Variants in DPP10 observed in about 807,000 individuals in gnomAD.
DPP10 encodes the protein dipeptidyl peptidase like 10, also known as inactive dipeptidyl peptidase 10.
In DPP10, 33 loss-of-function variants were observed where a neutral mutation model predicts 120.9. The ratio of observed to expected loss-of-function variants is 0.27; its 90% CI spans 0.21 to 0.37. The LOEUF (loss-of-function observed/expected upper bound fraction) is 0.37. Ranked by LOEUF, DPP10 falls within the 10% of genes least tolerant of loss-of-function variation. The pLI is 1.00. For missense variants in DPP10, 816 were observed against 942.8 expected (o/e 0.87, Z 1.76); for synonymous variants, 337 against 326.1 (o/e 1.03, Z -0.36).
chr2:115,427,856 T>C (rs2070624259), intron 3 of DPP10, among the ~76,000 whole-genome samples: 1 of 152,254 alleles, frequency 6.6e-6, no homozygotes, highest in Non-Finnish European at 1.5e-5. Context: ...TTTTATGCTC[T>C]GCTTCTCTTT....
chr2:114,587,705 A>G (rs1376184810), intron 1 of DPP10, among the ~76,000 whole-genome samples: 2 of 152,204 alleles, frequency 1.3e-5, no homozygotes, highest in Non-Finnish European at 2.9e-5. Flanking sequence ...CAATAAAGCA[A>G]TTTTCTCACA....
intron 1 of DPP10, chr2:115,050,037 CAAAAGGGCA>C (rs1204131860): frequency 2.6e-5 from 4 of 152,038 alleles, no homozygotes; most frequent in Admixed American, 6.6e-5. Context: ...AAGAAATTTC[CAAAAGGGCA>C]AAAAGGGCAG....
intron 5 of DPP10, among the ~76,000 whole-genome samples, chr2:115,656,616 GATATTC>G (rs1374440211): frequency 1.3e-5 from 2 of 151,668 alleles, no homozygotes; most frequent in Non-Finnish European, 3.0e-5. Flanking sequence ...TATGATTAGA[GATATTC>G]ATATTAAAAA....
intron 1 of DPP10, among the ~76,000 whole-genome samples, chr2:115,151,840 T>A (rs2051582440): frequency 1.3e-5 from 2 of 151,998 alleles, no homozygotes; most frequent in South Asian, 4.1e-4. Context: ...CTTTATTTTT[T>A]AATTTCTTTT....
At chr2:115,286,959 C>G (rs1467802426) in intron 1 of DPP10, among the ~76,000 whole-genome samples, 1 of 151,992 alleles carries the variant, frequency 6.6e-6, no homozygotes, top group Non-Finnish European at 1.5e-5. Context: ...ACAAAGATCT[C>G]TCTGTGAAAG....
intron 1 of DPP10, among the ~76,000 whole-genome samples, chr2:114,910,371 G>C (rs527953256): frequency 6.6e-6 from 1 of 151,870 alleles, no homozygotes; most frequent in Non-Finnish European, 1.5e-5. Context: ...CAATAAGATG[G>C]TATTGACAGC....
chr2:115,283,957 AT>A (rs2060263353), intron 1 of DPP10, among the ~76,000 whole-genome samples: 1 of 151,980 alleles, frequency 6.6e-6, no homozygotes, highest in African/African-American at 2.4e-5. Context: ...TACCATCTAG[AT>A]TTGTGTAAGT....
At chr2:115,827,446 A>ATG (rs1559209938) in intron 21 of DPP10, among the ~76,000 whole-genome samples, 4 of 137,506 alleles carry the variant, frequency 2.9e-5, no homozygotes, top group African/African-American at 1.1e-4. Flanking sequence ...ATATATATAT[A>ATG]TGCTCTACAG....
chr2:115,411,815 A>ATGT (rs2068977398), intron 3 of DPP10, among the ~76,000 whole-genome samples: 1 of 152,132 alleles, frequency 6.6e-6, no homozygotes, highest in African/African-American at 2.4e-5. Flanking sequence ...GTTGACACAC[A>ATGT]TGTAGTGGAA....
chr2:114,896,444 C>T (rs1338402606), intron 1 of DPP10, among the ~76,000 whole-genome samples: 1 of 152,052 alleles, frequency 6.6e-6, no homozygotes. Flanking sequence ...TTGAAGAGGT[C>T]CTTCACGTCC....
chr2:114,639,376 A>G (rs551557610), intron 1 of DPP10, among the ~76,000 whole-genome samples: 1 of 152,046 alleles, frequency 6.6e-6, no homozygotes, highest in South Asian at 2.1e-4. Flanking sequence ...ACATGTGGGA[A>G]TTATGGGAGC....
At chr2:115,213,564 T>C (rs2056645581) in intron 1 of DPP10, among the ~76,000 whole-genome samples, 1 of 152,148 alleles carries the variant, frequency 6.6e-6, no homozygotes, top group South Asian at 2.1e-4. Context: ...TTTGTTCCTC[T>C]GACACTATTT....
chr2:115,791,324 G>A lies in DPP10; in HGVS notation c.1668G>A (p.Met556Ile). The A allele has an allele frequency of 1.2e-6, 2 of 1,611,514 alleles. No individual in the cohort carries two copies. Among genetic ancestry groups the A allele is most frequent in the Non-Finnish European group, 1.7e-6 (2 of 1,179,230 alleles). The change falls in exon 19 of 26, where the codon ATG (methionine) becomes ATA (isoleucine). Residue 556 changes from methionine to isoleucine, a missense_variant. Physicochemically the swap from Met to Ile is conservative, Grantham distance 10. Coordinates refer to ENST00000410059, the MANE Select transcript of DPP10 (RefSeq NM_020868.6). Reference protein sequence around the residue: ...PLQLSLPKDFMDRNQYALLLI... With the variant: ...PLQLSLPKDFIDRNQYALLLI... ...AGTTGTCCCTTCCCAAAGATTTTAT[G>A]GACCGAAACCAGTATGCTCTTCTGT...
chr2:115,820,431 CTT>C (rs981405979), intron 21 of DPP10, among the ~76,000 whole-genome samples: 5 of 138,622 alleles, frequency 3.6e-5, no homozygotes, highest in Admixed American at 7.2e-5. Flanking sequence ...ATTTTTTTTT[CTT>C]TTTTTTTTTT....
At chr2:115,154,535 T>C (rs1272485543) in intron 1 of DPP10, among the ~76,000 whole-genome samples, 1 of 152,096 alleles carries the variant, frequency 6.6e-6, no homozygotes, top group African/African-American at 2.4e-5. Flanking sequence ...TAGAGAAAAG[T>C]AAAATATTCT....
intron 3 of DPP10, among the ~76,000 whole-genome samples, chr2:115,351,599 C>T (rs183188718): frequency 3.5e-4 from 53 of 152,092 alleles, no homozygotes; most frequent in Admixed American, 5.9e-4. Context: ...TACCTAGTTC[C>T]TGATTCACAG....
intron 1 of DPP10, among the ~76,000 whole-genome samples, chr2:115,181,247 A>G (rs187194382): frequency 2.0e-4 from 31 of 152,326 alleles, no homozygotes; most frequent in Admixed American, 2.0e-3. Flanking sequence ...TGCTAACCTG[A>G]AGATATTGAG....
chr2:114,504,682 T>C (rs1683483553), intron 1 of DPP10, among the ~76,000 whole-genome samples: 1 of 152,194 alleles, frequency 6.6e-6, no homozygotes, highest in Non-Finnish European at 1.5e-5. Flanking sequence ...GTATATGTTG[T>C]TAAATGTTGA....
At chr2:115,073,199 A>G (rs148190617) in intron 1 of DPP10, among the ~76,000 whole-genome samples, 1 of 152,274 alleles carries the variant, frequency 6.6e-6, no homozygotes, top group Non-Finnish European at 1.5e-5. Flanking sequence ...TCATGTGTAC[A>G]TGGAATTTAA....
Sources: gnomAD v4.1 joint callset for allele counts (sites outside exome capture counted in the v4.1 genomes callset) on GRCh38, gnomAD v4.1.1 for gene constraint, MANE v1.5 for transcripts, NCBI Gene and HGNC (gene_info 2026-07-23, HGNC 2026-07-21) for gene names.